The following MAF variants were observed in gnomAD, a reference collection of about 807,000 sequenced individuals.
The protein encoded by MAF is transcription factor Maf.
Under a neutral mutation model 22.0 loss-of-function variants are expected in MAF, and 10 were observed. That is an observed-to-expected ratio of 0.45 (90% confidence interval 0.28 to 0.77). The LOEUF (loss-of-function observed/expected upper bound fraction) is 0.77, where lower values mean the gene tolerates loss of function less well. Among genes scored for constraint, MAF ranks in the 30% least tolerant of loss-of-function variants. The pLI, the probability that MAF is intolerant of heterozygous loss-of-function variation, is 0.12. For synonymous variants in MAF, 337 were observed against 255.8 expected (o/e 1.32, Z -3.03); for missense variants, 544 against 548.4 (o/e 0.99, Z 0.08).
the MAF span, among the ~76,000 whole-genome samples, chr16:79,508,160 A>G: frequency 6.6e-6 from 1 of 152,266 alleles, no homozygotes; most frequent in African/African-American, 2.4e-5. Context: ...GCAAACCCTG[A>G]GCCACTGTGC....
chr16:79,443,835 T>C, the MAF span, among the ~76,000 whole-genome samples: 12 of 152,232 alleles, frequency 7.9e-5, no homozygotes, highest in South Asian at 2.3e-3. Flanking sequence ...CTTGGAGGAT[T>C]AATTTAAATG....
the MAF span, among the ~76,000 whole-genome samples, chr16:79,373,905 T>C: frequency 3.1e-3 from 468 of 152,296 alleles, 2 homozygotes; most frequent in African/African-American, 8.7e-3. Flanking sequence ...CAACATAAAA[T>C]AGACTAAGAT....
At chr16:79,352,820 G>A in the MAF span, among the ~76,000 whole-genome samples, 3 of 152,126 alleles carry the variant, frequency 2.0e-5, no homozygotes, top group Non-Finnish European at 4.4e-5. Flanking sequence ...CACCCAAGTT[G>A]TGATTACCAA....
the MAF span, among the ~76,000 whole-genome samples, chr16:79,236,053 G>T: frequency 1.3e-5 from 2 of 152,052 alleles, no homozygotes; most frequent in African/African-American, 2.4e-5. Flanking sequence ...CTGAAACCCT[G>T]ACACTCCCAT....
chr16:79,468,898 C>T, the MAF span, among the ~76,000 whole-genome samples: 7 of 152,136 alleles, frequency 4.6e-5, no homozygotes, highest in Non-Finnish European at 7.3e-5. Flanking sequence ...ACTTAATCCT[C>T]CTGCTTGCTT....
chr16:79,373,767 A>G, the MAF span, among the ~76,000 whole-genome samples: 1 of 152,094 alleles, frequency 6.6e-6, no homozygotes, highest in Admixed American at 6.6e-5. Flanking sequence ...CAGACTCTGC[A>G]AAGTCCCAGC....
At chr16:79,494,113 T>C in the MAF span, among the ~76,000 whole-genome samples, 1 of 152,202 alleles carries the variant, frequency 6.6e-6, no homozygotes, top group Non-Finnish European at 1.5e-5. Flanking sequence ...CACAGTTGTA[T>C]TGGTTTTCCA....
At chr16:79,354,842 C>T in the MAF span, among the ~76,000 whole-genome samples, 2 of 152,050 alleles carry the variant, frequency 1.3e-5, no homozygotes, top group African/African-American at 2.4e-5. Context: ...AGTGAACACA[C>T]ACACAGAAAA....
the MAF span, among the ~76,000 whole-genome samples, chr16:79,401,579 A>G: frequency 2.6e-5 from 4 of 152,198 alleles, no homozygotes; most frequent in Non-Finnish European, 5.9e-5. Flanking sequence ...CATTAAATTA[A>G]TTAGTGGAAA....
chr16:79,300,981 G>T, the MAF span, among the ~76,000 whole-genome samples: 24 of 152,160 alleles, frequency 1.6e-4, no homozygotes, highest in African/African-American at 5.8e-4. Flanking sequence ...GGGGCAGAAG[G>T]GGGAGGAGAC....
At chr16:79,348,204 T>C in the MAF span, among the ~76,000 whole-genome samples, 3 of 152,342 alleles carry the variant, frequency 2.0e-5, no homozygotes, top group East Asian at 5.8e-4. Context: ...TTGCACACAC[T>C]GCAAAATCTT....
chr16:79,314,730 G>T, the MAF span, among the ~76,000 whole-genome samples: 1 of 152,152 alleles, frequency 6.6e-6, no homozygotes, highest in Non-Finnish European at 1.5e-5. Flanking sequence ...TTGCTTAAGG[G>T]CCTCTAGAAA....
rs997219926 is a variant in MAF at position 79,594,260 on chromosome 16, A to T, written c.*200T>A. On this transcript the variant is annotated 3_prime_UTR_variant, in exon 2 of 2. Coordinates refer to ENST00000326043, the MANE Select transcript of MAF (RefSeq NM_005360.5). The stretch of plus-strand genomic sequence containing the variant: ...CACACACCATAAATCGAAAAGCAGG[A>T]GTGCGCTTTCCTACCGGTCTCTATG... 5 of 579,202 alleles carry T rather than the reference A, an allele frequency of 8.6e-6. No homozygotes were observed. In the African/African-American group the frequency reaches 9.3e-5, roughly 11 times the overall value. 35.9% of individuals were successfully genotyped at this position (579,202 alleles called of 1,614,324 possible). A position where few individuals can be genotyped will look rare whatever the true frequency, so the allele number is the denominator to read the frequency against.
At chr16:79,508,345 A>G in the MAF span, among the ~76,000 whole-genome samples, 2 of 152,058 alleles carry the variant, frequency 1.3e-5, no homozygotes, top group Non-Finnish European at 2.9e-5. Flanking sequence ...GAAACTGAGT[A>G]TTCATTTCCC....
the MAF span, among the ~76,000 whole-genome samples, chr16:79,386,535 C>G: frequency 2.0e-5 from 3 of 152,140 alleles, no homozygotes; most frequent in Non-Finnish European, 4.4e-5. Flanking sequence ...CACAGCTCAC[C>G]TCCTGCTGTG....
the MAF span, among the ~76,000 whole-genome samples, chr16:79,558,031 T>A: frequency 6.6e-6 from 1 of 151,484 alleles, no homozygotes. Flanking sequence ...GCTTCTCTCA[T>A]GCACCTTCAC....
the MAF span, among the ~76,000 whole-genome samples, chr16:79,234,902 C>T: frequency 5.9e-5 from 9 of 151,916 alleles, no homozygotes; most frequent in African/African-American, 1.4e-4. Flanking sequence ...CCTGCCCTCG[C>T]GTTGCTGGAC....
At chr16:79,360,920 A>T in the MAF span, among the ~76,000 whole-genome samples, 3 of 152,236 alleles carry the variant, frequency 2.0e-5, no homozygotes, top group African/African-American at 7.2e-5. Flanking sequence ...ATGTTCAGGG[A>T]CTTTGTGTTG....
At chr16:79,456,003 G>T in the MAF span, among the ~76,000 whole-genome samples, 1 of 152,080 alleles carries the variant, frequency 6.6e-6, no homozygotes, top group Non-Finnish European at 1.5e-5. Context: ...GGGTGACACA[G>T]CAAGACTCTC....
Sources: gnomAD v4.1 joint callset for allele counts (sites outside exome capture counted in the v4.1 genomes callset) on GRCh38, gnomAD v4.1.1 for gene constraint, MANE v1.5 for transcripts, NCBI Gene and HGNC (gene_info 2026-07-23, HGNC 2026-07-21) for gene names.